The following TSGA10IP variants were observed in gnomAD, a reference collection of about 807,000 sequenced individuals.
TSGA10IP encodes the protein testis-specific protein 10-interacting protein.
In TSGA10IP, 64 loss-of-function variants were observed where a neutral mutation model predicts 63.2. The observed-to-expected ratio is 1.01, with a 90% CI of 0.83 to 1.25. TSGA10IP has a LOEUF of 1.25. TSGA10IP is among the 50% of genes most tolerant of loss of function. TSGA10IP has a pLI of 0.00. For synonymous variants in TSGA10IP, 316 were observed against 298.3 expected (o/e 1.06, Z -0.61); for missense variants, 681 against 710.1 (o/e 0.96, Z 0.47).
In TSGA10IP at chr11:65,953,553, C is replaced by G. The variant is rs773474678; in HGVS notation, c.1152-14C>G. 4 of 1,560,672 alleles carry G rather than the reference C, an allele frequency of 2.6e-6. No individual in the cohort carries two copies. The South Asian group carries it at 3.5e-5, about 14-fold the overall frequency. ...CCCGTGAACCTCTCATTCCCCTTCC[C>G]TTTCTCACCCAAGGAGCCTGCTGCA... On this transcript the variant is annotated splice_polypyrimidine_tract_variant and intron_variant, in intron 4 of 7. Transcript: ENST00000532620.
intron 4 of TSGA10IP, among the ~76,000 whole-genome samples, chr11:65,948,637 T>C (rs143349399): frequency 9.3e-5 from 14 of 150,246 alleles, no homozygotes; most frequent in African/African-American, 3.2e-4. Context: ...GATCCCACCA[T>C]TGCATTCAGC....
At chr11:65,947,748 G>A in exon 3 of TSGA10IP, 2 of 1,589,560 alleles carry the variant, frequency 1.3e-6, no homozygotes, top group Non-Finnish European at 1.7e-6. Context: ...CGACAATGGA[G>A]GAAGACAAGG....
exon 2 of TSGA10IP, chr11:65,946,985 A>C: frequency 6.2e-7 from 1 of 1,613,980 alleles, no homozygotes; most frequent in Non-Finnish European, 8.5e-7. Flanking sequence ...GGGCCAGAGC[A>C]AGAAAGGACA....
At chr11:65,958,106 A>G (rs1427220498) in intron 5 of TSGA10IP, among the ~76,000 whole-genome samples, 1 of 152,078 alleles carries the variant, frequency 6.6e-6, no homozygotes, top group African/African-American at 2.4e-5. Context: ...GGTGCATACC[A>G]CCATGTCTGG....
At chr11:65,959,733 G>C in intron 7 of TSGA10IP, 84 bp from the exon 8 acceptor site, 1 of 1,476,112 alleles carries the variant, frequency 6.8e-7, no homozygotes, top group South Asian at 1.4e-5. Context: ...CACTGAAGCA[G>C]GGTTTGAAGC....
At chr11:65,952,003 C>T (rs898866246) in intron 4 of TSGA10IP, among the ~76,000 whole-genome samples, 2 of 152,092 alleles carry the variant, frequency 1.3e-5, no homozygotes, top group Non-Finnish European at 2.9e-5. Flanking sequence ...ACGTACATCA[C>T]GAGGTCTGCC....
At chr11:65,958,094 C>T (rs994338890) in intron 5 of TSGA10IP, among the ~76,000 whole-genome samples, 7 of 152,180 alleles carry the variant, frequency 4.6e-5, no homozygotes, top group Non-Finnish European at 8.8e-5. Flanking sequence ...CCCAGGACTA[C>T]AGGTGCATAC....
At chr11:65,951,519 T>TTATTATTAC (rs1854941798) in intron 4 of TSGA10IP, among the ~76,000 whole-genome samples, 1 of 632 alleles carries the variant, frequency 1.6e-3, no homozygotes. Flanking sequence ...TTTGCTTATT[T>TTATTATTAC]TATTATTATT....
intron 5 of TSGA10IP, 143 bp from the exon 6 acceptor site, chr11:65,958,740 G>C: frequency 1.4e-6 from 1 of 693,252 alleles, no homozygotes; most frequent in Admixed American, 2.9e-5. Flanking sequence ...AAGGAATCCA[G>C]GCAAGAATGG....
At chr11:65,958,976 T>C (rs1232548959) in exon 6 of TSGA10IP, 2 of 1,612,954 alleles carry the variant, frequency 1.2e-6, no homozygotes, top group Non-Finnish European at 1.7e-6. Context: ...TCCAGCAGGC[T>C]ATGCAGGTGA....
At chr11:65,958,769 A>C in intron 5 of TSGA10IP, 114 bp from the exon 6 acceptor site, 1 of 806,282 alleles carries the variant, frequency 1.2e-6, no homozygotes, top group South Asian at 1.9e-5. Context: ...TAGCTTTGTA[A>C]AGGTGAGGGT....
At chr11:65,947,876 G>A in intron 3 of TSGA10IP, 48 bp downstream of exon 3, 1 of 1,512,044 alleles carries the variant, frequency 6.6e-7, no homozygotes, top group South Asian at 1.3e-5. Context: ...TACACCGCAG[G>A]GAACAGGGAG....
chr11:65,956,736 C>A (rs978937180), intron 5 of TSGA10IP, among the ~76,000 whole-genome samples: 3 of 151,254 alleles, frequency 2.0e-5, no homozygotes, highest in African/African-American at 7.3e-5. Flanking sequence ...CACCATATTG[C>A]CCCAGCTGTC....
At chr11:65,951,644 C>G (rs972248292) in intron 4 of TSGA10IP, among the ~76,000 whole-genome samples, 2 of 151,388 alleles carry the variant, frequency 1.3e-5, no homozygotes, top group Non-Finnish European at 2.9e-5. Flanking sequence ...CACAAGTGAC[C>G]CTCTCACCTC....
chr11:65,951,092 C>A (rs1408480698), intron 4 of TSGA10IP, among the ~76,000 whole-genome samples: 1 of 152,072 alleles, frequency 6.6e-6, no homozygotes, highest in Non-Finnish European at 1.5e-5. Flanking sequence ...TTTCTTTATC[C>A]ATTCTTCTGT....
At chr11:65,948,932 A>T (rs1387582613) in intron 4 of TSGA10IP, among the ~76,000 whole-genome samples, 2 of 152,052 alleles carry the variant, frequency 1.3e-5, no homozygotes, top group Admixed American at 1.3e-4. Flanking sequence ...CTGAGATTGC[A>T]GCACTGCACT....
At position 65,958,883 on chromosome 11, in the gene TSGA10IP, G is replaced by T. The variant is rs768168027; in HGVS notation, c.1323G>T (p.Arg441Ser). 6 of 1,611,898 alleles carry T rather than the reference G, an allele frequency of 3.7e-6. No homozygotes were observed. The South Asian group carries it at 6.6e-5, about 18-fold the overall frequency. Residue 441 changes from arginine to serine, a missense_variant and splice_region_variant, in exon 6 of 8, where the codon AGG becomes AGT. By Grantham distance (110) the Arg-to-Ser change is moderately radical (BLOSUM62 -1). Transcript: ENST00000532620. ...GCACAAAGGCCTGTCTCCCCTGCAG[G>T]CGCCAGGAGCGACAGCGCTTTGCTG...
exon 3 of TSGA10IP, chr11:65,947,411 A>G (rs902211726): frequency 3.7e-6 from 6 of 1,613,400 alleles, no homozygotes; most frequent in Middle Eastern, 1.7e-4. Flanking sequence ...AGAGCCCCCC[A>G]GTGGTCTCCA....
chr11:65,947,238 C>T, exon 3 of TSGA10IP: 1 of 1,610,152 alleles, frequency 6.2e-7, no homozygotes, highest in Non-Finnish European at 8.5e-7. Flanking sequence ...CTGCCCATGC[C>T]CTCCTCGTTC....
Sources: gnomAD v4.1 joint callset for allele counts (sites outside exome capture counted in the v4.1 genomes callset) on GRCh38, gnomAD v4.1.1 for gene constraint, MANE v1.5 for transcripts, NCBI Gene and HGNC (gene_info 2026-07-23, HGNC 2026-07-21) for gene names.